TMEM131L: variants seen among roughly 807,000 people sequenced by gnomAD.
TMEM131L encodes the protein transmembrane protein 131-like.
In TMEM131L, 54 loss-of-function variants were observed where a neutral mutation model predicts 192.2. The ratio of observed to expected loss-of-function variants is 0.28; its 90% CI spans 0.23 to 0.35. The LOEUF (loss-of-function observed/expected upper bound fraction) is 0.35. Among genes scored for constraint, TMEM131L ranks in the 10% least tolerant of loss-of-function variants. The pLI is 1.00. For missense variants in TMEM131L, 1,888 were observed against 1,972.9 expected (o/e 0.96, Z 0.82); for synonymous variants, 701 against 704.9 (o/e 0.99, Z 0.09).
At position 153,604,250 on chromosome 4, in the gene TMEM131L, A is replaced by AT; in HGVS notation, c.3239dup (p.Gln1081ThrfsTer7). 6.2e-7 allele frequency: 1 copy of AT among 1,614,094 alleles called. No homozygotes were observed. The highest frequency in any genetic ancestry group is 1.1e-5 in the South Asian group (1 of 91,088). The stretch of plus-strand genomic sequence containing the variant: ...TTCAGAATGTAGTATGAAGGAGGGA[A>AT]TACAGACATGTATGTTTCCTAAGGA... On this transcript the variant is annotated frameshift_variant, in exon 25 of 35. Coordinates refer to ENST00000409959, the MANE Select transcript of TMEM131L (RefSeq NM_001131007.2). LOFTEE classifies it high-confidence loss of function.
intron 3 of TMEM131L, among the ~76,000 whole-genome samples, chr4:153,549,225 T>C (rs942510467): frequency 6.6e-6 from 1 of 152,150 alleles, no homozygotes; most frequent in African/African-American, 2.4e-5. Context: ...CCTTGGCCTC[T>C]CAAAGTGCTG....
At chr4:153,600,922 C>G (rs1172073218) in intron 21 of TMEM131L, among the ~76,000 whole-genome samples, 1 of 151,540 alleles carries the variant, frequency 6.6e-6, no homozygotes, top group Non-Finnish European at 1.5e-5. Flanking sequence ...GCCAGCCTGG[C>G]CAACGTGGTG....
At chr4:153,572,373 C>T (rs933164861) in intron 7 of TMEM131L, among the ~76,000 whole-genome samples, 1 of 152,140 alleles carries the variant, frequency 6.6e-6, no homozygotes, top group African/African-American at 2.4e-5. Flanking sequence ...TCTTGTTGCC[C>T]AGGCTGGTGT....
intron 4 of TMEM131L, among the ~76,000 whole-genome samples, chr4:153,553,390 A>G (rs1009828275): frequency 1.3e-5 from 2 of 152,116 alleles, no homozygotes; most frequent in African/African-American, 4.8e-5. Flanking sequence ...AAGAGCACTC[A>G]TAATGCTATT....
chr4:153,589,054 G>A (rs1561219080), intron 16 of TMEM131L, 47 bp downstream of exon 16: 2 of 981,042 alleles, frequency 2.0e-6, no homozygotes, highest in Non-Finnish European at 3.3e-6. Flanking sequence ...GGGAGACACT[G>A]TTACAGTAGT....
chr4:153,634,918 A>AT (rs1734466927), intron 33 of TMEM131L, among the ~76,000 whole-genome samples: 1 of 152,188 alleles, frequency 6.6e-6, no homozygotes, highest in South Asian at 2.1e-4. Flanking sequence ...CTAGATTTTG[A>AT]TACATGCATT....
intron 10 of TMEM131L, 155 bp from the exon 11 acceptor site, chr4:153,583,409 A>G: frequency 1.3e-6 from 1 of 754,232 alleles, no homozygotes. Context: ...TGTTTGTATG[A>G]AGATTGTCAG....
At chr4:153,515,211 T>A (rs1190076598) in intron 3 of TMEM131L, among the ~76,000 whole-genome samples, 2 of 152,238 alleles carry the variant, frequency 1.3e-5, no homozygotes, top group African/African-American at 4.8e-5. Context: ...CATCAACTTA[T>A]TAGAAAACAC....
At chr4:153,547,351 C>T (rs971891174) in intron 3 of TMEM131L, among the ~76,000 whole-genome samples, 1 of 152,186 alleles carries the variant, frequency 6.6e-6, no homozygotes, top group African/African-American at 2.4e-5. Context: ...TTCATTTATT[C>T]TATAATATTC....
At position 153,581,417 on chromosome 4, in the gene TMEM131L, T is replaced by C. The variant is rs1248634090; in HGVS notation, c.749T>C (p.Leu250Pro). 6.4e-7 allele frequency: 1 copy of C among 1,563,692 alleles called. No individual in the cohort carries two copies. Among genetic ancestry groups the C allele is most frequent in the Admixed American group, 1.9e-5 (1 of 53,038 alleles). Residue 250 changes from leucine (L) to proline (P), a missense_variant, in exon 9 of 35, where the codon CTG becomes CCG. Leu to Pro is a moderately conservative substitution (Grantham distance 98). Coordinates refer to ENST00000409959, the MANE Select transcript of TMEM131L (RefSeq NM_001131007.2). ...KVCQQLKGCY[L>P]ESDDVLRLQM... ...TCCTTCCAACCATAGGGTTGTTATC[T>C]GGAATCTGATGATGTTTTGCGTCTA... is the stretch of plus-strand genomic sequence containing the variant.
chr4:153,499,673 C>T (rs1001743385), intron 3 of TMEM131L, among the ~76,000 whole-genome samples: 3 of 152,196 alleles, frequency 2.0e-5, no homozygotes, highest in African/African-American at 7.2e-5. Context: ...GATCTGTCCA[C>T]CTTGGCCTCC....
At chr4:153,513,275 C>G (rs1424847642) in intron 3 of TMEM131L, among the ~76,000 whole-genome samples, 1 of 152,168 alleles carries the variant, frequency 6.6e-6, no homozygotes, top group Non-Finnish European at 1.5e-5. Flanking sequence ...CCAGAGAAAA[C>G]TGTGAGGCTT....
At chr4:153,607,469 G>T (rs892442899) in intron 25 of TMEM131L, among the ~76,000 whole-genome samples, 6 of 152,288 alleles carry the variant, frequency 3.9e-5, no homozygotes, top group East Asian at 3.9e-4. Context: ...CAGTCACGTT[G>T]TCTCCTGTGT....
At chr4:153,501,477 G>C (rs1733606196) in intron 3 of TMEM131L, among the ~76,000 whole-genome samples, 1 of 152,178 alleles carries the variant, frequency 6.6e-6, no homozygotes, top group Non-Finnish European at 1.5e-5. Flanking sequence ...TGGGATTACA[G>C]GTATGGGCCA....
At chr4:153,609,593 T>C (rs1004951289) in intron 25 of TMEM131L, among the ~76,000 whole-genome samples, 1 of 152,254 alleles carries the variant, frequency 6.6e-6, no homozygotes, top group Non-Finnish European at 1.5e-5. Context: ...ATTCATTTTA[T>C]TGTTTGTCCT....
Position 153,584,926 on chromosome 4 carries a change from T to A in TMEM131L, c.1152T>A (p.Ala384=), listed in dbSNP as rs1182043418. 1 of 1,612,070 alleles carries A rather than the reference T, an allele frequency of 6.2e-7. No individual in the cohort carries two copies. Among genetic ancestry groups the A allele is most frequent in the Non-Finnish European group, 8.5e-7 (1 of 1,178,150 alleles). Reference sequence around the variant, plus strand: ...AAGCATGCCTCTTCTCTTCTGTGGCTCAGGGGTAGGTTACTTCCACTTTCC... The same window carrying A: ...AAGCATGCCTCTTCTCTTCTGTGGCACAGGGGTAGGTTACTTCCACTTTCC... ...TLKACLFSSV[A]QGYFRMDSSA... Residue 384 remains alanine (A), a synonymous_variant, in exon 12 of 35, where the codon GCT becomes GCA. Coordinates refer to ENST00000409959, the MANE Select transcript of TMEM131L (RefSeq NM_001131007.2).
chr4:153,629,601 A>G (rs1170903754), intron 31 of TMEM131L, among the ~76,000 whole-genome samples: 2 of 152,170 alleles, frequency 1.3e-5, no homozygotes, highest in South Asian at 2.1e-4. Flanking sequence ...TGAGTTGCCC[A>G]TTCAAATTCC....
chr4:153,626,467 G>T (rs7695828), intron 30 of TMEM131L, among the ~76,000 whole-genome samples: 22,638 of 152,168 alleles, frequency 0.15, 3,643 homozygotes, highest in African/African-American at 0.4. Context: ...AAATACCTAA[G>T]TTTTGAGGCC....
At chr4:153,479,046 T>C (rs1421494625) in intron 3 of TMEM131L, among the ~76,000 whole-genome samples, 1 of 152,216 alleles carries the variant, frequency 6.6e-6, no homozygotes, top group Non-Finnish European at 1.5e-5. Flanking sequence ...AAGGAAGCGC[T>C]GATGTCTATC....
Sources: allele counts gnomAD v4.1 joint callset (sites outside exome capture counted in the v4.1 genomes callset), GRCh38; gene constraint gnomAD v4.1.1; transcripts MANE v1.5; gene names NCBI Gene and HGNC (gene_info 2026-07-23, HGNC 2026-07-21).